Variants in NAALADL2 observed in about 807,000 individuals in gnomAD.
NAALADL2 encodes N-acetylated alpha-linked acidic dipeptidase like 2.
Under a neutral mutation model 87.2 loss-of-function variants are expected in NAALADL2, and 76 were observed. The observed-to-expected ratio is 0.87, with a 90% CI of 0.72 to 1.05. The LOEUF (loss-of-function observed/expected upper bound fraction) is 1.05, where lower values mean the gene tolerates loss of function less well. Ranked by LOEUF, NAALADL2 falls within the 50% of genes least tolerant of loss-of-function variation. The pLI is 0.00. For missense variants in NAALADL2, 1,089 were observed against 945.8 expected, an observed-to-expected ratio of 1.15 and a Z score of -1.99; for synonymous variants, 354 against 331.0, an observed-to-expected ratio of 1.07 and a Z score of -0.75.
chr3:174,442,879 G>T (rs1338962517), intron 1 of NAALADL2, among the ~76,000 whole-genome samples: 2 of 152,200 alleles, frequency 1.3e-5, no homozygotes, highest in Non-Finnish European at 2.9e-5. Flanking sequence ...ACTTGAAGCA[G>T]TTGAGGGAGT....
chr3:175,050,345 C>G (rs947516264), intron 1 of NAALADL2, among the ~76,000 whole-genome samples: 5 of 134,876 alleles, frequency 3.7e-5, no homozygotes, highest in African/African-American at 1.4e-4. Context: ...TCACTGCAGC[C>G]TCTGCCTCCT....
chr3:175,807,227 T>G lies in NAALADL2; in HGVS notation c.*4024T>G, dbSNP rs1394299575. Reference sequence around the variant, plus strand: ...GCTGTGATTTAGAACAACAGTTTTATGTTATTTTTAAAAATTCAGAATAAC... The same window carrying G: ...GCTGTGATTTAGAACAACAGTTTTAGGTTATTTTTAAAAATTCAGAATAAC... On this transcript the variant is annotated 3_prime_UTR_variant, in exon 14 of 14. Transcript: ENST00000454872. 2 of 143,766 alleles carry G rather than the reference T, an allele frequency of 1.4e-5. No homozygotes were observed. The highest frequency in any genetic ancestry group is 5.9e-5 in the African/African-American group (2 of 33,644). 8.9% of individuals were successfully genotyped at this position (143,766 alleles called of 1,614,324 possible).
chr3:174,671,078 G>C (rs958533454), intron 2 of NAALADL2, among the ~76,000 whole-genome samples: 1 of 152,058 alleles, frequency 6.6e-6, no homozygotes, highest in Admixed American at 6.6e-5. Context: ...GACCTCCCCA[G>C]AAGCTGAGCA....
At chr3:175,570,752 C>T (rs1281113783) in intron 9 of NAALADL2, among the ~76,000 whole-genome samples, 5 of 151,698 alleles carry the variant, frequency 3.3e-5, no homozygotes, top group Non-Finnish European at 5.9e-5. Flanking sequence ...TGGTGGCGGG[C>T]GCCTGTAGTC....
chr3:174,761,325 C>G (rs1420869550), intron 3 of NAALADL2, among the ~76,000 whole-genome samples: 13 of 151,778 alleles, frequency 8.6e-5, no homozygotes, highest in African/African-American at 3.1e-4. Context: ...ATTAAAAAAA[C>G]TAACAAAAGT....
chr3:175,225,615 C>T (rs1398293131), intron 2 of NAALADL2, among the ~76,000 whole-genome samples: 1 of 151,978 alleles, frequency 6.6e-6, no homozygotes, highest in African/African-American at 2.4e-5. Flanking sequence ...AAAGGCTAGT[C>T]ATTTCTATTA....
intron 11 of NAALADL2, among the ~76,000 whole-genome samples, chr3:175,725,581 T>G (rs1269713918): frequency 6.6e-6 from 1 of 152,110 alleles, no homozygotes; most frequent in Non-Finnish European, 1.5e-5. Flanking sequence ...TCACATTTGG[T>G]AAATATTGGC....
At chr3:174,586,663 A>G (rs1716761527) in intron 2 of NAALADL2, among the ~76,000 whole-genome samples, 2 of 152,174 alleles carry the variant, frequency 1.3e-5, no homozygotes, top group African/African-American at 4.8e-5. Context: ...GGGTTGGGCC[A>G]GGGGCTCACA....
chr3:174,587,596 G>T (rs1176329424), intron 2 of NAALADL2, among the ~76,000 whole-genome samples: 2 of 152,080 alleles, frequency 1.3e-5, no homozygotes, highest in Non-Finnish European at 2.9e-5. Flanking sequence ...CTCAGCATTT[G>T]CTTCTCTGTA....
At chr3:174,751,858 A>ATGTG (rs148978072) in intron 3 of NAALADL2, among the ~76,000 whole-genome samples, 5 of 151,172 alleles carry the variant, frequency 3.3e-5, no homozygotes, top group South Asian at 4.2e-4. Context: ...TTATGTATGT[A>ATGTG]TGTGTGTGTG....
intron 1 of NAALADL2, among the ~76,000 whole-genome samples, chr3:174,475,229 G>A (rs1717145873): frequency 6.6e-6 from 1 of 151,674 alleles, no homozygotes; most frequent in Non-Finnish European, 1.5e-5. Flanking sequence ...AAAAGAAAGG[G>A]AACCGGTCAT....
At chr3:175,337,522 G>A (rs1439154045) in intron 5 of NAALADL2, among the ~76,000 whole-genome samples, 3 of 151,988 alleles carry the variant, frequency 2.0e-5, no homozygotes, top group Admixed American at 6.6e-5. Context: ...GACTTGGGGG[G>A]GCCATGTGAA....
chr3:175,660,593 A>ATAC (rs1560931648), intron 11 of NAALADL2, among the ~76,000 whole-genome samples: 1 of 152,102 alleles, frequency 6.6e-6, no homozygotes, highest in African/African-American at 2.4e-5. Flanking sequence ...GTACTATCAG[A>ATAC]TACTAGAACA....
At chr3:175,626,756 T>G (rs1423426163) in intron 10 of NAALADL2, among the ~76,000 whole-genome samples, 1 of 151,892 alleles carries the variant, frequency 6.6e-6, no homozygotes, top group Non-Finnish European at 1.5e-5. Flanking sequence ...TGCTTTTATC[T>G]TTCCACCTCT....
Position 175,096,792 on chromosome 3 carries a change from A to G in NAALADL2, c.46A>G (p.Lys16Glu), listed in dbSNP as rs1422800110. ...ATATATTTTTCTTATTTTCACAGGTAAAAAGATGGCCTATCAGAAGGTCCA... is the reference window on the plus strand; with the variant it reads ...ATATATTTTTCTTATTTTCACAGGTGAAAAGATGGCCTATCAGAAGGTCCA... ...ASLPNTSLQG[K>E]KMAYQKVHAD... Residue 16 changes from lysine (K) to glutamate (E), a missense_variant and splice_region_variant, in exon 2 of 14, where the codon AAA (lysine) becomes GAA (glutamate). Transcript: ENST00000454872. 4 of 1,483,784 alleles carry G rather than the reference A, an allele frequency of 2.7e-6. No homozygotes were observed. The highest frequency in any genetic ancestry group is 3.6e-6 in the Non-Finnish European group (4 of 1,115,782). The allele number at this position is 1,483,784 out of a possible 1,614,324, so 91.9% of individuals were successfully genotyped here.
rs1723261818 is a variant in NAALADL2, at chr3:174,642,159, A to G, written c.-115+91522A>G. On this transcript the variant is annotated intron_variant, in intron 2 of 3. Coordinates refer to the NAALADL2 transcript ENST00000434257. ...TAAAGACTGGTATTACATTCTGTTTATGTGAAGGAAACGCATTTTCAATAA... is the reference window on the plus strand; with the variant it reads ...TAAAGACTGGTATTACATTCTGTTTGTGTGAAGGAAACGCATTTTCAATAA... 2.0e-5 allele frequency among the ~76,000 whole-genome samples: 3 copies of G among 152,136 alleles called. No homozygotes were observed. The South Asian group carries it at 6.2e-4, about 32-fold the overall frequency.
At chr3:174,996,515 C>T (rs1260263260) in intron 1 of NAALADL2, among the ~76,000 whole-genome samples, 1 of 150,064 alleles carries the variant, frequency 6.7e-6, no homozygotes, top group East Asian at 2.0e-4. Context: ...AAAAAAAGTA[C>T]TGAATTAAGG....
chr3:175,508,058 G>A (rs62287082), intron 9 of NAALADL2, among the ~76,000 whole-genome samples: 14,333 of 152,224 alleles, frequency 0.094, 777 homozygotes, highest in African/African-American at 0.14. Flanking sequence ...AGGAGAGCAG[G>A]CACATCACAT....
chr3:175,793,307 CTTTTTTTT>C (rs66905230), intron 13 of NAALADL2, among the ~76,000 whole-genome samples: 2 of 116,932 alleles, frequency 1.7e-5, no homozygotes, highest in Admixed American at 1.8e-4. Flanking sequence ...CATTTTCTTT[CTTTTTTTT>C]TTTTTTTTTT....
Sources: gnomAD v4.1 joint callset for allele counts (sites outside exome capture counted in the v4.1 genomes callset) on GRCh38, gnomAD v4.1.1 for gene constraint, MANE v1.5 for transcripts, NCBI Gene and HGNC (gene_info 2026-07-23, HGNC 2026-07-21) for gene names.